The following RGS6 variants were observed in gnomAD, a reference collection of about 807,000 sequenced individuals.
RGS6 encodes the protein regulator of G-protein signaling 6.
Under a neutral mutation model 78.5 loss-of-function variants are expected in RGS6, and 30 were observed. The observed-to-expected ratio is 0.38, with a 90% confidence interval of 0.29 to 0.52. The LOEUF is 0.52. Ranked by LOEUF, RGS6 falls within the 20% of genes least tolerant of loss-of-function variation. The pLI is 0.85. For synonymous variants in RGS6, 206 were observed against 206.0 expected, an observed-to-expected ratio of 1.00 and a Z score of 0.00; for missense variants, 495 against 609.7, an observed-to-expected ratio of 0.81 and a Z score of 1.98.
In RGS6 at chr14:72,279,663, C is replaced by A. The variant is rs534032209; in HGVS notation, c.85-72432C>A. Among the ~76,000 whole-genome samples, 33 of 152,118 alleles carry A rather than the reference C, an allele frequency of 2.2e-4. No individual in the cohort carries two copies. The East Asian group carries it at 5.2e-3, about 24-fold the overall frequency. On this transcript the variant is annotated intron_variant, in intron 2 of 17. Coordinates refer to ENST00000553525, the MANE Select transcript of RGS6 (RefSeq NM_001204424.2). ...AACAGTTAGTGGCCTAGAAACTGAT[C>A]TAGAAAGGGATCTCTGTTGATGAAA...
At chr14:72,026,932 C>T (rs2089984655) in intron 2 of RGS6, among the ~76,000 whole-genome samples, 1 of 152,144 alleles carries the variant, frequency 6.6e-6, no homozygotes, top group Non-Finnish European at 1.5e-5. Flanking sequence ...CTCAGGAGAG[C>T]CTCTTTGTGG....
intron 2 of RGS6, among the ~76,000 whole-genome samples, chr14:72,260,537 C>G (rs916575424): frequency 6.6e-6 from 1 of 152,148 alleles, no homozygotes; most frequent in Admixed American, 6.6e-5. Context: ...AGGGTTATCT[C>G]AGTGAAGAGC....
chr14:72,282,266 A>T (rs551143749), intron 2 of RGS6, among the ~76,000 whole-genome samples: 6 of 152,210 alleles, frequency 3.9e-5, no homozygotes, highest in Admixed American at 1.3e-4. Context: ...CCTTCATGTG[A>T]CCCTTTCCAT....
the RGS6 span, among the ~76,000 whole-genome samples, chr14:72,573,068 G>A: frequency 6.6e-6 from 1 of 152,184 alleles, no homozygotes; most frequent in African/African-American, 2.4e-5. Context: ...TTTGAATCCT[G>A]CCTAGTGCCA....
chr14:72,146,070 C>T (rs1157504520), intron 2 of RGS6, among the ~76,000 whole-genome samples: 1 of 152,132 alleles, frequency 6.6e-6, no homozygotes, highest in East Asian at 1.9e-4. Flanking sequence ...TTGGCAAGAA[C>T]CTTCTTGCTC....
rs1354917102 is a variant in RGS6, at chr14:71,964,822, G to T, written c.31G>T (p.Val11Leu). Residue 11 changes from valine (V) to leucine (L), a missense_variant, in exon 2 of 18, where the codon GTG (valine) becomes TTG (leucine). Val to Leu is a conservative substitution (Grantham distance 32). Transcript: ENST00000553525. MAQGSGDQRAVGVADPEESSP... is the reference protein window; with the variant it reads MAQGSGDQRALGVADPEESSP... ...TCAAGGATCCGGGGATCAAAGAGCA[G>T]TGGGGGTTGCTGACCCAGAGGAGAG... 6.2e-7 allele frequency: 1 copy of T among 1,613,876 alleles called. No homozygotes were observed. Among genetic ancestry groups the T allele is most frequent in the South Asian group, 1.1e-5 (1 of 91,024 alleles).
intron 2 of RGS6, among the ~76,000 whole-genome samples, chr14:72,138,449 G>GTTTTTT (rs71448384): frequency 4.6e-5 from 4 of 86,644 alleles, no homozygotes; most frequent in Non-Finnish European, 6.7e-5. Flanking sequence ...ACCTGTACCT[G>GTTTTTT]TTTTTTTTTT....
chr14:72,235,004 C>G (rs954254035), intron 2 of RGS6, among the ~76,000 whole-genome samples: 1 of 152,072 alleles, frequency 6.6e-6, no homozygotes, highest in Non-Finnish European at 1.5e-5. Context: ...ACAATTGAGT[C>G]AACTAGATGG....
At chr14:72,582,211 A>G in the RGS6 span, among the ~76,000 whole-genome samples, 4 of 152,136 alleles carry the variant, frequency 2.6e-5, no homozygotes, top group East Asian at 3.8e-4. Context: ...TTGGGGATCA[A>G]ATTTCAACAT....
chr14:72,064,640 C>A (rs953542600), intron 2 of RGS6, among the ~76,000 whole-genome samples: 7 of 152,124 alleles, frequency 4.6e-5, no homozygotes, highest in African/African-American at 1.7e-4. Flanking sequence ...AACGAGCAGG[C>A]TAGGATTGCA....
chr14:72,541,208 A>T (rs1319310314), intron 17 of RGS6: 2 of 1,405,982 alleles, frequency 1.4e-6, no homozygotes, highest in Non-Finnish European at 9.4e-7. Context: ...GAGGAGGAAA[A>T]TCCTTGTAAA....
intron 2 of RGS6, among the ~76,000 whole-genome samples, chr14:72,004,112 A>C (rs1410608892): frequency 6.6e-6 from 1 of 152,200 alleles, no homozygotes; most frequent in African/African-American, 2.4e-5. Context: ...TTGAATGGGC[A>C]ACACAGATTG....
At chr14:72,129,973 G>A (rs970792043) in intron 2 of RGS6, among the ~76,000 whole-genome samples, 2 of 152,062 alleles carry the variant, frequency 1.3e-5, no homozygotes, top group African/African-American at 4.8e-5. Flanking sequence ...ACAGGTTAAG[G>A]GCTCAGTCCC....
At chr14:72,152,273 T>TGTGTGC (rs1555510359) in intron 2 of RGS6, among the ~76,000 whole-genome samples, 7 of 149,240 alleles carry the variant, frequency 4.7e-5, no homozygotes, top group African/African-American at 1.7e-4. Flanking sequence ...TGTGTGTGTG[T>TGTGTGC]GCGCATGCAG....
Position 72,150,407 on chromosome 14 carries a change from C to T in RGS6, c.84+185532C>T, listed in dbSNP as rs183108037. 3.1e-3 allele frequency among the ~76,000 whole-genome samples: 477 copies of T among 152,142 alleles called. 7 individuals carry two copies. Among genetic ancestry groups the T allele is most frequent in the Admixed American group, 0.023 (358 of 15,278 alleles). ...GAGAATAAATTTCTGTTTTAAGCCA[C>T]GTAGTTTGTGGCAACTTCTTATGGC... On this transcript the variant is annotated intron_variant, in intron 2 of 17. Transcript: ENST00000553525.
chr14:72,555,455 C>CTGAGA (rs2097559993), intron 17 of RGS6, among the ~76,000 whole-genome samples: 1 of 152,206 alleles, frequency 6.6e-6, no homozygotes, highest in African/African-American at 2.4e-5. Flanking sequence ...TAGAACCTGC[C>CTGAGA]TGAGATAAGC....
the RGS6 span, among the ~76,000 whole-genome samples, chr14:72,571,751 G>A: frequency 5.9e-5 from 9 of 152,062 alleles, no homozygotes; most frequent in African/African-American, 2.2e-4. Context: ...ATCTTGGATT[G>A]GGCAATGGTT....
chr14:72,574,700 A>G, the RGS6 span, among the ~76,000 whole-genome samples: 3 of 152,170 alleles, frequency 2.0e-5, no homozygotes, highest in African/African-American at 4.8e-5. Context: ...GAACAAATAG[A>G]ATGCACATGG....
In RGS6 at chr14:72,423,608, G is replaced by T. The variant is rs143486265; in HGVS notation, c.185-30920G>T. Reference sequence around the variant, plus strand: ...TACTATGTGTTCTCACTTATAAGTGGGAGCTAAACATTGGGTCCTCATGGA... The same window carrying T: ...TACTATGTGTTCTCACTTATAAGTGTGAGCTAAACATTGGGTCCTCATGGA... On this transcript the variant is annotated intron_variant, in intron 3 of 17. Coordinates refer to ENST00000553525, the MANE Select transcript of RGS6 (RefSeq NM_001204424.2). Among the ~76,000 whole-genome samples the T allele has an allele frequency of 8.9e-4, 134 of 151,234 alleles. 1 individual carries two copies. The highest frequency in any genetic ancestry group is 3.2e-3 in the African/African-American group (131 of 41,288).
Sources: gnomAD v4.1 joint callset for allele counts (sites outside exome capture counted in the v4.1 genomes callset) on GRCh38, gnomAD v4.1.1 for gene constraint, MANE v1.5 for transcripts, NCBI Gene and HGNC (gene_info 2026-07-23, HGNC 2026-07-21) for gene names.